The following JMJD1C variants were observed in gnomAD, a reference collection of about 807,000 sequenced individuals.
JMJD1C encodes the protein jumonji domain-containing protein 1C.
In JMJD1C, 31 loss-of-function variants were observed where a neutral mutation model predicts 245.3. The ratio of observed to expected loss-of-function variants is 0.13; its 90% CI spans 0.09 to 0.17. JMJD1C has a LOEUF of 0.17. Among genes scored for constraint, JMJD1C ranks in the 10% least tolerant of loss-of-function variants. The pLI is 1.00. For missense variants in JMJD1C, 2,691 were observed against 3,000.2 expected (o/e 0.90, Z 2.41); for synonymous variants, 1,057 against 1,017.4 (o/e 1.04, Z -0.74).
At chr10:63,342,310 G>GAAGGACTA (rs1943451501) in intron 2 of JMJD1C, among the ~76,000 whole-genome samples, 1 of 152,232 alleles carries the variant, frequency 6.6e-6, no homozygotes, top group African/African-American at 2.4e-5. Context: ...TGGGCTTACT[G>GAAGGACTA]AAGGACTAAA....
At chr10:63,411,322 G>A (rs887459503) in intron 1 of JMJD1C, among the ~76,000 whole-genome samples, 16 of 144,046 alleles carry the variant, frequency 1.1e-4, no homozygotes, top group Middle Eastern at 3.3e-3. Context: ...TTTTTGAGAC[G>A]GAGTCTCGCT....
intron 2 of JMJD1C, among the ~76,000 whole-genome samples, chr10:63,284,546 G>A (rs1253917503): frequency 1.3e-5 from 2 of 152,012 alleles, no homozygotes; most frequent in African/African-American, 2.4e-5. Context: ...TTCATCCATA[G>A]GTTCTTGGGA....
rs572685941 is a variant in JMJD1C at position 63,296,354 on chromosome 10, T to C, written c.334-31590A>G. Among the ~76,000 whole-genome samples the C allele has an allele frequency of 7.8e-4, 119 of 152,184 alleles. 1 individual carries two copies. The highest frequency in any genetic ancestry group is 2.8e-3 in the African/African-American group (116 of 41,542). On this transcript the variant is annotated intron_variant, in intron 2 of 25. Coordinates refer to ENST00000399262, the MANE Select transcript of JMJD1C (RefSeq NM_032776.3). ...ATTGAGATCACGAACAGCAGCACTA[T>C]TAACTCATGCCTAAATGAAACTTGT...
chr10:63,465,090 AGAG>A (rs1953106090), intron 1 of JMJD1C: 1 of 216,254 alleles, frequency 4.6e-6, no homozygotes, highest in South Asian at 9.3e-5. Context: ...TTCCAAGAAA[AGAG>A]ATACCAGGGA....
At chr10:63,463,013 T>C (rs781525171) in intron 1 of JMJD1C, among the ~76,000 whole-genome samples, 1 of 152,162 alleles carries the variant, frequency 6.6e-6, no homozygotes, top group African/African-American at 2.4e-5. Context: ...TTCCAAATCA[T>C]GTGCCACAGG....
chr10:63,232,117 C>T (rs1434107609), intron 3 of JMJD1C, among the ~76,000 whole-genome samples: 2 of 152,152 alleles, frequency 1.3e-5, no homozygotes, highest in Non-Finnish European at 2.9e-5. Context: ...GAATTACAGG[C>T]GTGAGCCACA....
chr10:63,305,459 C>CCTCTCTCTCTCTCTCTCTCTCT (rs371564275), intron 2 of JMJD1C, among the ~76,000 whole-genome samples: 25 of 113,084 alleles, frequency 2.2e-4, no homozygotes, highest in African/African-American at 8.1e-4. Context: ...ACGCTCTGAC[C>CCTCTCTCTCTCTCTCTCTCTCT]CTCTCTCTCT....
intron 2 of JMJD1C, among the ~76,000 whole-genome samples, chr10:63,374,122 A>C (rs1281888067): frequency 2.0e-5 from 3 of 152,188 alleles, no homozygotes; most frequent in Non-Finnish European, 4.4e-5. Flanking sequence ...ACAACTGGCT[A>C]AGCAAACTAT....
intron 2 of JMJD1C, among the ~76,000 whole-genome samples, chr10:63,349,654 A>G (rs982761243): frequency 6.6e-6 from 1 of 152,194 alleles, no homozygotes; most frequent in African/African-American, 2.4e-5. Context: ...TGCGGGAACT[A>G]TATGAGTTAC....
At position 63,168,371 on chromosome 10, in the gene JMJD1C, A is replaced by G. The variant is rs1003988811; in HGVS notation, c.7533+64T>C. ...AGGCAATGACTGCCTAAGCTGTTATACATGTATCATATTTCTGAATATAAA... is the reference window on the plus strand; with the variant it reads ...AGGCAATGACTGCCTAAGCTGTTATGCATGTATCATATTTCTGAATATAAA... On this transcript the variant is annotated intron_variant, in intron 25 of 25. Coordinates refer to ENST00000399262, the MANE Select transcript of JMJD1C (RefSeq NM_032776.3). The G allele has an allele frequency of 4.0e-6, 6 of 1,501,674 alleles. No individual in the cohort carries two copies. The African/African-American group carries it at 8.4e-5, about 21-fold the overall frequency. 93.0% of individuals were successfully genotyped at this position (1,501,674 alleles called of 1,614,324 possible). A position where few individuals can be genotyped will look rare whatever the true frequency, so the allele number is the denominator to read the frequency against.
intron 2 of JMJD1C, among the ~76,000 whole-genome samples, chr10:63,300,080 T>G (rs1859904514): frequency 6.9e-6 from 1 of 144,852 alleles, no homozygotes; most frequent in Admixed American, 6.6e-5. Context: ...TATACAGCAT[T>G]AAACAACCAC....
intron 1 of JMJD1C, among the ~76,000 whole-genome samples, chr10:63,413,567 A>G (rs1949614783): frequency 6.6e-6 from 1 of 152,194 alleles, no homozygotes; most frequent in South Asian, 2.1e-4. Context: ...CTGGTGGGGG[A>G]AAGATTCTTC....
At chr10:63,283,104 G>T (rs1355986793) in intron 2 of JMJD1C, among the ~76,000 whole-genome samples, 1 of 152,126 alleles carries the variant, frequency 6.6e-6, no homozygotes, top group Non-Finnish European at 1.5e-5. Context: ...AACTGGGAAA[G>T]AAAAAAGTTA....
chr10:63,268,661 A>G, intron 2 of JMJD1C: 3 of 963,716 alleles, frequency 3.1e-6, no homozygotes, highest in Non-Finnish European at 2.5e-6. Flanking sequence ...TACAAACCGT[A>G]CTTTGTTCTT....
At chr10:63,351,315 T>TG (rs2134289977) in intron 2 of JMJD1C, among the ~76,000 whole-genome samples, 1 of 151,948 alleles carries the variant, frequency 6.6e-6, no homozygotes, top group Non-Finnish European at 1.5e-5. Flanking sequence ...CTTGAACTCC[T>TG]GACCTCAGGT....
At chr10:63,479,720 C>T (rs1953770750) in intron 1 of JMJD1C, among the ~76,000 whole-genome samples, 1 of 152,146 alleles carries the variant, frequency 6.6e-6, no homozygotes, top group African/African-American at 2.4e-5. Flanking sequence ...GATTCAGTTT[C>T]AATTTTTTGG....
chr10:63,361,769 C>G (rs1945370543), intron 2 of JMJD1C, among the ~76,000 whole-genome samples: 2 of 144,208 alleles, frequency 1.4e-5, no homozygotes, highest in Non-Finnish European at 3.0e-5. Flanking sequence ...TCCTACTCCT[C>G]AATTTCATAC....
intron 1 of JMJD1C, among the ~76,000 whole-genome samples, chr10:63,491,352 T>C (rs1362727921): frequency 1.3e-5 from 2 of 152,168 alleles, no homozygotes; most frequent in Admixed American, 6.5e-5. Flanking sequence ...TATTTACATG[T>C]AATATTTTAA....
At chr10:63,432,097 C>T (rs377684240) in intron 1 of JMJD1C, among the ~76,000 whole-genome samples, 1 of 152,198 alleles carries the variant, frequency 6.6e-6, no homozygotes, top group South Asian at 2.1e-4. Flanking sequence ...AGAAGCTCAG[C>T]CCAGTGGTTG....
Sources: gnomAD v4.1 joint callset for allele counts (sites outside exome capture counted in the v4.1 genomes callset) on GRCh38, gnomAD v4.1.1 for gene constraint, MANE v1.5 for transcripts, NCBI Gene and HGNC (gene_info 2026-07-23, HGNC 2026-07-21) for gene names.